ATOSA: variants seen among roughly 807,000 people sequenced by gnomAD.
ATOSA encodes atos homolog protein A.
chr15:52,614,885 A>G, the ATOSA span, among the ~76,000 whole-genome samples: 1 of 152,314 alleles, frequency 6.6e-6, no homozygotes, highest in Non-Finnish European at 1.5e-5. Context: ...GTCAGGTACA[A>G]TAGTTTTTGC....
chr15:52,620,393 A>C, the ATOSA span, among the ~76,000 whole-genome samples: 1 of 152,202 alleles, frequency 6.6e-6, no homozygotes, highest in Non-Finnish European at 1.5e-5. Context: ...GAGAGACTCT[A>C]ACCAGGAGCC....
chr15:52,653,210 G>A, the ATOSA span, among the ~76,000 whole-genome samples: 2 of 152,098 alleles, frequency 1.3e-5, no homozygotes, highest in African/African-American at 4.8e-5. Flanking sequence ...GGGTTAGGGA[G>A]TGGAGTCTGA....
At chr15:52,623,112 T>C in the ATOSA span, among the ~76,000 whole-genome samples, 1 of 151,766 alleles carries the variant, frequency 6.6e-6, no homozygotes, top group Admixed American at 6.6e-5. Flanking sequence ...TGAACTATGA[T>C]TGCACGACTG....
At chr15:52,581,955 C>G in the ATOSA span, 1 of 462,118 alleles carries the variant, frequency 2.2e-6, no homozygotes, top group Non-Finnish European at 3.7e-6. Context: ...TTCAACAGTA[C>G]AAAAAGGATT....
chr15:52,688,765 G>C, the ATOSA span, among the ~76,000 whole-genome samples: 5 of 152,178 alleles, frequency 3.3e-5, no homozygotes, highest in Non-Finnish European at 7.4e-5. Context: ...GAAGATATTG[G>C]TGTCATGGGC....
chr15:52,588,124 T>A, the ATOSA span, among the ~76,000 whole-genome samples: 1,538 of 152,280 alleles, frequency 0.01, 25 homozygotes, highest in African/African-American at 0.036. Context: ...ATGAGCATCA[T>A]CAGCATCACT....
At chr15:52,648,326 T>A in the ATOSA span, among the ~76,000 whole-genome samples, 8 of 152,114 alleles carry the variant, frequency 5.3e-5, no homozygotes, top group South Asian at 4.1e-4. Flanking sequence ...AAATTGTTTT[T>A]CCTTTTTATT....
chr15:52,658,957 C>G, the ATOSA span, among the ~76,000 whole-genome samples: 18 of 151,976 alleles, frequency 1.2e-4, no homozygotes, highest in African/African-American at 4.4e-4. Flanking sequence ...TGTACTCCAG[C>G]CTGGGCAACA....
the ATOSA span, chr15:52,709,800 C>G: frequency 6.6e-6 from 1 of 152,354 alleles, no homozygotes; most frequent in African/African-American, 2.4e-5. Context: ...AGTCTACAGG[C>G]AGCGGCAGCA....
At chr15:52,707,175 G>C in the ATOSA span, among the ~76,000 whole-genome samples, 1 of 152,164 alleles carries the variant, frequency 6.6e-6, no homozygotes, top group African/African-American at 2.4e-5. Context: ...GGTAAACATT[G>C]GTTTGAACCA....
chr15:52,616,423 G>A, the ATOSA span, among the ~76,000 whole-genome samples: 3 of 152,156 alleles, frequency 2.0e-5, no homozygotes, highest in Admixed American at 6.5e-5. Context: ...AGTGAACACC[G>A]GCAGCCTTCT....
At chr15:52,643,455 CTTT>C in the ATOSA span, among the ~76,000 whole-genome samples, 261 of 133,342 alleles carry the variant, frequency 2.0e-3, no homozygotes, top group East Asian at 0.025. Flanking sequence ...CCTCACCTGG[CTTT>C]TTTTTTTTTT....
chr15:52,691,184 G>T, the ATOSA span, among the ~76,000 whole-genome samples: 2 of 152,006 alleles, frequency 1.3e-5, no homozygotes, highest in Admixed American at 6.5e-5. Flanking sequence ...GGAGCATTAA[G>T]AGACTAAAAA....
the ATOSA span, among the ~76,000 whole-genome samples, chr15:52,652,948 A>T: frequency 6.6e-6 from 1 of 152,240 alleles, no homozygotes; most frequent in Non-Finnish European, 1.5e-5. Flanking sequence ...TGAAGGTAGT[A>T]GGGGATGAAC....
chr15:52,655,303 CTCATTATACCTCAAAATTACCA>C, the ATOSA span, among the ~76,000 whole-genome samples: 1 of 152,246 alleles, frequency 6.6e-6, no homozygotes, highest in South Asian at 2.1e-4. Flanking sequence ...CAACGACAGC[CTCATTATACCTCAAAATTACCA>C]TTAATACACT....
the ATOSA span, among the ~76,000 whole-genome samples, chr15:52,647,654 G>A: frequency 6.6e-6 from 1 of 152,102 alleles, no homozygotes; most frequent in East Asian, 1.9e-4. Flanking sequence ...AAATCACCAA[G>A]GGATTTAGCA....
the ATOSA span, chr15:52,656,181 T>A: frequency 1.3e-5 from 2 of 152,070 alleles, no homozygotes; most frequent in African/African-American, 4.8e-5. Context: ...ATTTAACAGC[T>A]GAATAATTTG....
At chr15:52,672,115 C>T in the ATOSA span, among the ~76,000 whole-genome samples, 2 of 144,874 alleles carry the variant, frequency 1.4e-5, no homozygotes, top group East Asian at 4.0e-4. Flanking sequence ...GCCAGGAGGG[C>T]TGCTTGAGCC....
At chr15:52,636,320 T>C in the ATOSA span, among the ~76,000 whole-genome samples, 1 of 152,070 alleles carries the variant, frequency 6.6e-6, no homozygotes, top group African/African-American at 2.4e-5. Flanking sequence ...TGCACCACCC[T>C]TTACTCTGAA....
Sources: gnomAD v4.1 joint callset for allele counts (sites outside exome capture counted in the v4.1 genomes callset) on GRCh38, gnomAD v4.1.1 for gene constraint, MANE v1.5 for transcripts, NCBI Gene and HGNC (gene_info 2026-07-23, HGNC 2026-07-21) for gene names.